The following ANO1 variants were observed in gnomAD, a reference collection of about 807,000 sequenced individuals.
ANO1 encodes anoctamin-1.
Under a neutral mutation model 124.0 loss-of-function variants are expected in ANO1, and 59 were observed. The ratio of observed to expected loss-of-function variants is 0.48; its 90% CI spans 0.39 to 0.59. The LOEUF (loss-of-function observed/expected upper bound fraction) is 0.59. Ranked by LOEUF, ANO1 falls within the 20% of genes least tolerant of loss-of-function variation. The pLI is 0.00. For synonymous variants in ANO1, 529 were observed against 532.0 expected (o/e 0.99, Z 0.08); for missense variants, 1,059 against 1,328.0 (o/e 0.80, Z 3.15).
intron 1 of ANO1, among the ~76,000 whole-genome samples, chr11:70,055,597 T>C (rs1555006725): frequency 1.3e-5 from 2 of 152,088 alleles, no homozygotes; most frequent in African/African-American, 4.8e-5. Flanking sequence ...TAGTATATAG[T>C]TGAAGTTTTA....
chr11:70,080,988 C>T (rs2044183814), intron 1 of ANO1, among the ~76,000 whole-genome samples: 2 of 152,218 alleles, frequency 1.3e-5, no homozygotes, highest in Admixed American at 1.3e-4. Context: ...CGGCTCTGTA[C>T]ACACGAGGGC....
intron 1 of ANO1, among the ~76,000 whole-genome samples, chr11:70,058,214 G>A (rs1555007187): frequency 2.0e-5 from 3 of 152,168 alleles, no homozygotes; most frequent in Non-Finnish European, 4.4e-5. Context: ...AGAATTGGGA[G>A]GACCCAGGAC....
intron 22 of ANO1, among the ~76,000 whole-genome samples, chr11:70,174,275 A>G (rs1398499665): frequency 6.7e-6 from 1 of 150,126 alleles, no homozygotes; most frequent in Non-Finnish European, 1.5e-5. Context: ...ATGCACCTGT[A>G]GTCCCAGCTA....
chr11:70,064,555 G>C (rs1443489002), intron 1 of ANO1: 2 of 152,222 alleles, frequency 1.3e-5, no homozygotes, highest in African/African-American at 4.8e-5. Flanking sequence ...GTTTGGGGCA[G>C]CAGGTAAGGA....
upstream of ANO1, among the ~76,000 whole-genome samples, chr11:69,981,678 C>G (rs1361590072): frequency 1.3e-5 from 2 of 152,218 alleles, no homozygotes; most frequent in African/African-American, 2.4e-5. Flanking sequence ...CCTCCTCTCC[C>G]GCTAGCCCTG....
At chr11:70,061,193 C>T (rs561418270) in intron 1 of ANO1, among the ~76,000 whole-genome samples, 39 of 151,942 alleles carry the variant, frequency 2.6e-4, no homozygotes, top group African/African-American at 8.4e-4. Context: ...GGGGGATACT[C>T]GGTACCCCTT....
chr11:69,974,877 C>T, the ANO1 span, among the ~76,000 whole-genome samples: 1 of 133,436 alleles, frequency 7.5e-6, no homozygotes, highest in Non-Finnish European at 1.6e-5. Flanking sequence ...GACTAGGATG[C>T]CTCCGTCTCT....
At chr11:70,177,691 C>G (rs955845755) in intron 22 of ANO1, among the ~76,000 whole-genome samples, 10 of 151,022 alleles carry the variant, frequency 6.6e-5, no homozygotes, top group African/African-American at 2.4e-4. Context: ...CCTCCGCCCC[C>G]CGGGTTCAAG....
chr11:70,154,440 T>C (rs1288315660), intron 14 of ANO1, among the ~76,000 whole-genome samples: 3 of 149,344 alleles, frequency 2.0e-5, no homozygotes, highest in African/African-American at 4.9e-5. Context: ...GGTCCTCCTA[T>C]AGCCAGGAAG....
At chr11:70,036,874 TG>T (rs1555004485) in intron 1 of ANO1, among the ~76,000 whole-genome samples, 1 of 152,204 alleles carries the variant, frequency 6.6e-6, no homozygotes, top group Non-Finnish European at 1.5e-5. Context: ...CCCAAAGTGT[TG>T]GGATTACAGG....
At chr11:70,161,869 G>A (rs1457002490) in intron 18 of ANO1, 136 bp downstream of exon 18, 8 of 812,690 alleles carry the variant, frequency 9.8e-6, no homozygotes, top group South Asian at 3.2e-5. Context: ...AGAGGGTCAG[G>A]GAGAAGGCCT....
intron 25 of ANO1, among the ~76,000 whole-genome samples, chr11:70,187,136 A>C (rs1002369377): frequency 6.6e-6 from 1 of 152,208 alleles, no homozygotes; most frequent in Non-Finnish European, 1.5e-5. Flanking sequence ...CCAGCTGGGG[A>C]CTGGGAGCAC....
At chr11:70,152,196 C>T (rs1460109039) in intron 12 of ANO1, among the ~76,000 whole-genome samples, 13 of 151,970 alleles carry the variant, frequency 8.6e-5, no homozygotes, top group Admixed American at 3.3e-4. Flanking sequence ...ATTAGCCGGG[C>T]GTGGTGGCGG....
chr11:70,073,580 G>C (rs1330502033), upstream of ANO1, among the ~76,000 whole-genome samples: 3 of 152,074 alleles, frequency 2.0e-5, no homozygotes, highest in African/African-American at 4.8e-5. Context: ...AACTGAGGAT[G>C]GTGGGCAGAA....
intron 2 of ANO1, among the ~76,000 whole-genome samples, chr11:70,095,295 G>GGAAGGAAGGAAGGAAGGAAGGAAGGAAA (rs2044831230): frequency 1.4e-5 from 1 of 71,006 alleles, no homozygotes; most frequent in African/African-American, 6.2e-5. Flanking sequence ...AAGGAAGGAA[G>GGAAGGAAGGAAGGAAGGAAGGAAGGAAA]GAAGGAAAGA....
chr11:69,991,899 T>C (rs2120304499), intron 1 of ANO1, among the ~76,000 whole-genome samples: 1 of 152,352 alleles, frequency 6.6e-6, no homozygotes, highest in East Asian at 1.9e-4. Context: ...TGTGTGCCAA[T>C]AGTGGGTCCA....
upstream of ANO1, among the ~76,000 whole-genome samples, chr11:70,073,937 C>G (rs1269929486): frequency 6.7e-6 from 1 of 149,754 alleles, no homozygotes; most frequent in African/African-American, 2.5e-5. Flanking sequence ...CGCCGTCAAG[C>G]TGCGGTTGGC....
intron 11 of ANO1, among the ~76,000 whole-genome samples, chr11:70,142,352 A>G (rs902102174): frequency 6.6e-6 from 1 of 152,000 alleles, no homozygotes; most frequent in African/African-American, 2.4e-5. Context: ...CAGCTGAGTC[A>G]CTCCCAGCTA....
intron 1 of ANO1, chr11:70,085,283 C>G (rs1384200760): frequency 1.8e-6 from 2 of 1,125,334 alleles, no homozygotes; most frequent in Non-Finnish European, 2.4e-6. Flanking sequence ...GGCATGGGAA[C>G]CCACTGCCCT....
Sources: gnomAD v4.1 joint callset for allele counts (sites outside exome capture counted in the v4.1 genomes callset) on GRCh38, gnomAD v4.1.1 for gene constraint, MANE v1.5 for transcripts, NCBI Gene and HGNC (gene_info 2026-07-23, HGNC 2026-07-21) for gene names.